NINL: variants seen among roughly 807,000 people sequenced by gnomAD.
NINL encodes ninein like, also known as ninein-like protein.
In NINL, 153 loss-of-function variants were observed where a neutral mutation model predicts 160.3. That is an observed-to-expected ratio of 0.95 (90% CI 0.84 to 1.09). The LOEUF (loss-of-function observed/expected upper bound fraction) is 1.09. Ranked by LOEUF, NINL falls within the 50% of genes least tolerant of loss-of-function variation. The probability of loss-of-function intolerance (pLI) is 0.00; values close to 1 mark genes in which losing one functional copy is unlikely to be tolerated. For missense variants in NINL, 1,829 were observed against 1,764.0 expected, an observed-to-expected ratio of 1.04 and a Z score of -0.66; for synonymous variants, 800 against 734.8, an observed-to-expected ratio of 1.09 and a Z score of -1.43.
intron 8 of NINL, 143 bp from the exon 9 acceptor site, chr20:25,498,489 C>T (rs1354036352): frequency 1.5e-5 from 16 of 1,089,256 alleles, no homozygotes; most frequent in Admixed American, 4.9e-5. Flanking sequence ...AAGGTCTCTG[C>T]GTCTTGAGGG....
intron 15 of NINL, 94 bp downstream of exon 15, chr20:25,480,067 C>A: frequency 1.1e-6 from 1 of 870,922 alleles, no homozygotes; most frequent in Non-Finnish European, 1.9e-6. Context: ...GATTCCAGGG[C>A]AGACGCATGT....
chr20:25,462,601 A>G (rs2062819295), intron 19 of NINL, 60 bp from the exon 20 acceptor site: 1 of 1,411,132 alleles, frequency 7.1e-7, no homozygotes, highest in Non-Finnish European at 9.7e-7. Flanking sequence ...CATGTTATAT[A>G]TACATTTGCC....
At chr20:25,489,209 C>T (rs1192027695) in intron 13 of NINL, 35 bp downstream of exon 13, 1 of 1,602,100 alleles carries the variant, frequency 6.2e-7, no homozygotes, top group Non-Finnish European at 8.6e-7. Flanking sequence ...AGAGCCTGGA[C>T]ATGAGACTAA....
At chr20:25,489,053 C>A in intron 13 of NINL, 191 bp downstream of exon 13, 3 of 607,206 alleles carry the variant, frequency 4.9e-6, no homozygotes, top group Non-Finnish European at 5.9e-6. Context: ...CACACAGAGG[C>A]GGCCTTCAGG....
intron 1 of NINL, among the ~76,000 whole-genome samples, chr20:25,539,054 C>T (rs895684314): frequency 3.3e-5 from 5 of 152,144 alleles, no homozygotes; most frequent in African/African-American, 4.8e-5. Context: ...GTTACCAAAA[C>T]GTACACTAAC....
rs552365998 is a variant in NINL, at chr20:25,581,189, CCAT to C, written c.-12+4263_-12+4265del. 2.6e-5 allele frequency among the ~76,000 whole-genome samples: 4 copies of C among 152,294 alleles called. No homozygotes were observed. The South Asian group carries it at 8.3e-4, about 32-fold the overall frequency. ...GGTGCAGTGGCTCACGCCCGCAATCCCATCATCGCTTTGGGAAGCCAAGGCAGG... is the reference window on the plus strand; with the variant it reads ...GGTGCAGTGGCTCACGCCCGCAATCCCATCGCTTTGGGAAGCCAAGGCAGG... On this transcript the variant is annotated intron_variant, in intron 1 of 23. Transcript: ENST00000278886.
chr20:25,579,274 G>A (rs1382180162), intron 1 of NINL, among the ~76,000 whole-genome samples: 2 of 152,026 alleles, frequency 1.3e-5, no homozygotes, highest in South Asian at 2.1e-4. Context: ...TCTGACCCTC[G>A]CACTCTCTGT....
chr20:25,578,314 G>C (rs533154210), intron 1 of NINL, among the ~76,000 whole-genome samples: 2 of 151,792 alleles, frequency 1.3e-5, no homozygotes, highest in East Asian at 3.9e-4. Context: ...CACCATGTTG[G>C]TCAGGCTGGT....
chr20:25,560,766 A>G (rs1326983195), intron 1 of NINL, among the ~76,000 whole-genome samples: 1 of 152,090 alleles, frequency 6.6e-6, no homozygotes, highest in Non-Finnish European at 1.5e-5. Context: ...GAGCCCTACA[A>G]CGAAAGACAA....
At chr20:25,509,859 A>C (rs1180118148) in intron 5 of NINL, among the ~76,000 whole-genome samples, 2 of 152,252 alleles carry the variant, frequency 1.3e-5, no homozygotes, top group East Asian at 3.8e-4. Context: ...AACACAAGAT[A>C]ATTAAAATTA....
rs376240386 is a variant in NINL, at chr20:25,479,095, C to T, written c.2029G>A (p.Ala677Thr). 1.9e-6 allele frequency: 3 copies of T among 1,613,488 alleles called. No individual in the cohort carries two copies. The highest frequency in any genetic ancestry group is 1.3e-5 in the African/African-American group (1 of 74,946). Residue 677 changes from alanine to threonine, a missense_variant, in exon 16 of 24, where the codon GCC becomes ACC. By Grantham distance (58) the Ala-to-Thr change is moderately conservative (BLOSUM62 0). Coordinates refer to ENST00000278886, the MANE Select transcript of NINL (RefSeq NM_025176.6). ...TTCTCGTGGAGCTCCTCCAGGTCGGCCTTCTGACCCTCCAGCACGCTGACC... is the reference window on the plus strand; with the variant it reads ...TTCTCGTGGAGCTCCTCCAGGTCGGTCTTCTGACCCTCCAGCACGCTGACC... ...REVSVLEGQK[A>T]DLEELHEKSQ...
chr20:25,480,365 G>T, intron 14 of NINL, 98 bp from the exon 15 acceptor site: 1 of 836,454 alleles, frequency 1.2e-6, no homozygotes. Context: ...GCATCCATGA[G>T]GGGCAGGTGG....
In NINL at chr20:25,504,883, C is replaced by G. The variant is rs953362208; in HGVS notation, c.708+5G>C. ...TGTGGCTGGGTGGCCTGCTGTGCCC[C>G]TCACCTCTTTCTCGAGTCCCTGGAG... On this transcript the variant is annotated splice_donor_5th_base_variant and intron_variant, in intron 6 of 23. Transcript: ENST00000278886. The G allele has an allele frequency of 6.2e-7, 1 of 1,610,144 alleles. No homozygotes were observed. Among genetic ancestry groups the G allele is most frequent in the Non-Finnish European group, 8.5e-7 (1 of 1,179,774 alleles).
chr20:25,568,934 A>AT (rs150983804), intron 1 of NINL, among the ~76,000 whole-genome samples: 6,268 of 145,604 alleles, frequency 0.043, 430 homozygotes, highest in African/African-American at 0.14. Context: ...TCTACAAAAT[A>AT]TTTTTTTTTT....
At chr20:25,566,177 C>G (rs751096635) in intron 1 of NINL, among the ~76,000 whole-genome samples, 1 of 152,136 alleles carries the variant, frequency 6.6e-6, no homozygotes, top group Non-Finnish European at 1.5e-5. Context: ...TCTGGAGAAC[C>G]CTCATACACC....
At chr20:25,465,230 T>C (rs1427316514) in intron 19 of NINL, among the ~76,000 whole-genome samples, 3 of 152,160 alleles carry the variant, frequency 2.0e-5, no homozygotes, top group Non-Finnish European at 4.4e-5. Flanking sequence ...ACGGGACCAC[T>C]ACTGGGGCTC....
intron 9 of NINL, among the ~76,000 whole-genome samples, chr20:25,497,899 A>G (rs2063790515): frequency 6.6e-6 from 1 of 152,194 alleles, no homozygotes; most frequent in Non-Finnish European, 1.5e-5. Context: ...AAGTGGGAGG[A>G]AAGCCAGCGA....
chr20:25,488,244 G>A (rs1012410045), intron 13 of NINL, among the ~76,000 whole-genome samples: 5 of 152,114 alleles, frequency 3.3e-5, no homozygotes, highest in African/African-American at 4.8e-5. Context: ...TTTTTGGGGA[G>A]GGATGGAGTC....
At chr20:25,472,863 A>G (rs2063138894) in intron 17 of NINL, among the ~76,000 whole-genome samples, 1 of 152,232 alleles carries the variant, frequency 6.6e-6, no homozygotes, top group African/African-American at 2.4e-5. Context: ...TACCCACAAC[A>G]TAACAATCCC....
Sources: gnomAD v4.1 joint callset for allele counts (sites outside exome capture counted in the v4.1 genomes callset) on GRCh38, gnomAD v4.1.1 for gene constraint, MANE v1.5 for transcripts, NCBI Gene and HGNC (gene_info 2026-07-23, HGNC 2026-07-21) for gene names.